KLRD1: variants seen among roughly 807,000 people sequenced by gnomAD.
KLRD1 encodes killer cell lectin like receptor D1, also known as natural killer cells antigen CD94.
KLRD1 carries 21 observed loss-of-function variants against 22.6 expected under a neutral mutation model. The ratio of observed to expected loss-of-function variants is 0.93; its 90% CI spans 0.66 to 1.34. The LOEUF is 1.34. KLRD1 is among the 40% of genes most tolerant of loss of function. The pLI, the probability that KLRD1 is intolerant of heterozygous loss-of-function variation, is 0.00. For synonymous variants in KLRD1, 59 were observed against 71.1 expected, an observed-to-expected ratio of 0.83 and a Z score of 0.85; for missense variants, 183 against 208.6, an observed-to-expected ratio of 0.88 and a Z score of 0.76.
intron 1 of KLRD1, among the ~76,000 whole-genome samples, chr12:10,253,640 G>T (rs980023937): frequency 1.3e-5 from 2 of 152,016 alleles, no homozygotes; most frequent in African/African-American, 2.4e-5. Flanking sequence ...TTATCATTTA[G>T]CTCCCACTTA....
rs1555098504 is a variant in KLRD1 at position 10,239,484 on chromosome 12, T to TCCTTC, written c.-101+13252_-101+13253insCTTCC. ...TTCCTTCCTTCCTTCCTTCCTTCCT[T>TCCTTC]CTTCCTTCCTTCCTTCCTTCCCTCC... On this transcript the variant is annotated intron_variant, in intron 1 of 5. Transcript: ENST00000544747. 8.1e-4 allele frequency among the ~76,000 whole-genome samples: 103 copies of TCCTTC among 127,576 alleles called. 3 individuals are homozygous for TCCTTC. The highest frequency in any genetic ancestry group is 3.1e-3 in the African/African-American group (95 of 30,646). 83.7% of individuals were successfully genotyped at this position (127,576 alleles called of 152,430 possible).
Position 10,326,968 on chromosome 12 carries a change from G to A in KLRD1, c.*12175G>A, listed in dbSNP as rs1055412147. 6.6e-6 allele frequency: 1 copy of A among 152,128 alleles called. No homozygotes were observed. Among genetic ancestry groups the A allele is most frequent in the Non-Finnish European group, 1.5e-5 (1 of 68,026 alleles). 9.4% of individuals were successfully genotyped at this position (152,128 alleles called of 1,614,324 possible). On this transcript the variant is annotated 3_prime_UTR_variant, in exon 6 of 6. Transcript: ENST00000336164. ...TTGCCTGTGCTTTTGGTGTCAGATT[G>A]ATGATATCATTGCCAAAACCAATGT...
chr12:10,239,531 CTTTCTTTCTTTCTTTCTTTCTTTCTT>C (rs1372824480), intron 1 of KLRD1, among the ~76,000 whole-genome samples: 1,613 of 74,398 alleles, frequency 0.022, 77 homozygotes, highest in African/African-American at 0.065. Flanking sequence ...TTCTTTCTTT[CTTTCTTTCTTTCTTTCTTTCTTTCTT>C]TCTTTCTTTC....
At chr12:10,241,525 T>C (rs1419666510) in intron 1 of KLRD1, among the ~76,000 whole-genome samples, 1 of 152,198 alleles carries the variant, frequency 6.6e-6, no homozygotes, top group Non-Finnish European at 1.5e-5. Context: ...AGAAGGCTTC[T>C]AGGTCCTTGA....
chr12:10,253,041 C>T lies in KLRD1; in HGVS notation c.-101+26808C>T, dbSNP rs369344223. Among the ~76,000 whole-genome samples, 29 of 151,236 alleles carry T rather than the reference C, an allele frequency of 1.9e-4. 1 individual carries two copies. In the East Asian group the frequency reaches 4.3e-3, roughly 22 times the overall value. On this transcript the variant is annotated intron_variant, in intron 1 of 5. Transcript: ENST00000544747. ...TGCATAAAACATTTCTTATCTAATG[C>T]TTTTAATATTTTTTTATCACTAGTT...
intron 1 of KLRD1, among the ~76,000 whole-genome samples, chr12:10,283,156 C>T (rs1949662319): frequency 6.6e-6 from 1 of 152,112 alleles, no homozygotes; most frequent in Non-Finnish European, 1.5e-5. Flanking sequence ...GGTACTATTC[C>T]CAGAGCTAGA....
At chr12:10,261,696 T>A (rs534185889) in intron 1 of KLRD1, among the ~76,000 whole-genome samples, 16 of 152,292 alleles carry the variant, frequency 1.1e-4, no homozygotes, top group African/African-American at 3.8e-4. Context: ...AGAGTTAGAC[T>A]CTTTTAGCTT....
At chr12:10,308,379 G>A in intron 1 of KLRD1, 1 of 390,386 alleles carries the variant, frequency 2.6e-6, no homozygotes, top group Admixed American at 4.0e-5. Context: ...GAGCAACAGT[G>A]TTCTAGTATA....
At chr12:10,244,513 G>A (rs1409028789) in intron 1 of KLRD1, among the ~76,000 whole-genome samples, 1 of 152,168 alleles carries the variant, frequency 6.6e-6, no homozygotes. Context: ...CTGGCACGGT[G>A]GCTCATGCCT....
chr12:10,321,103 A>C lies in KLRD1; in HGVS notation c.*6310A>C, dbSNP rs902784695. 6.6e-6 allele frequency: 1 copy of C among 152,208 alleles called. No individual in the cohort carries two copies. The highest frequency in any genetic ancestry group is 2.4e-5 in the African/African-American group (1 of 41,456). The allele number at this position is 152,208 out of a possible 1,614,324, so 9.4% of individuals were successfully genotyped here. A position where few individuals can be genotyped will look rare whatever the true frequency, so the allele number is the denominator to read the frequency against. On this transcript the variant is annotated 3_prime_UTR_variant, in exon 6 of 6. Transcript: ENST00000336164. ...TATGAAGAGTGATTTTATAAGCAGA[A>C]ATAGGACTGAGTCCTAATCAAATGA...
At chr12:10,312,578 C>T (rs1254131919) in intron 4 of KLRD1, among the ~76,000 whole-genome samples, 9 of 147,724 alleles carry the variant, frequency 6.1e-5, no homozygotes, top group Non-Finnish European at 1.0e-4. Context: ...CGCGGTTTCA[C>T]CGTGTTAGCC....
In KLRD1 at chr12:10,323,954, T is replaced by C. The variant is rs955567233; in HGVS notation, c.*9161T>C. ...TCAGCTCACTGCAACCTTCACCACC[T>C]GGGTTCAAGTTATTCTCATGCCTCA... On this transcript the variant is annotated 3_prime_UTR_variant, in exon 6 of 6. Coordinates refer to ENST00000336164, the MANE Select transcript of KLRD1 (RefSeq NM_002262.5). 1 of 139,558 alleles carries C rather than the reference T, an allele frequency of 7.2e-6. No homozygotes were observed. Among genetic ancestry groups the C allele is most frequent in the African/African-American group, 2.6e-5 (1 of 39,030 alleles). The allele number at this position is 139,558 out of a possible 1,614,324, so 8.6% of individuals were successfully genotyped here. A position where few individuals can be genotyped will look rare whatever the true frequency, so the allele number is the denominator to read the frequency against.
intron 1 of KLRD1, among the ~76,000 whole-genome samples, chr12:10,255,751 A>G (rs1038235295): frequency 2.0e-5 from 3 of 152,174 alleles, no homozygotes; most frequent in East Asian, 3.8e-4. Context: ...GTGGTCTAAC[A>G]TATAGTCTGT....
chr12:10,312,248 C>T (rs1950094819), intron 4 of KLRD1, among the ~76,000 whole-genome samples: 1 of 151,864 alleles, frequency 6.6e-6, no homozygotes, highest in Non-Finnish European at 1.5e-5. Flanking sequence ...GACAGGGTTT[C>T]ACCGTATTGG....
intron 1 of KLRD1, among the ~76,000 whole-genome samples, chr12:10,246,659 A>G (rs1322330721): frequency 2.0e-5 from 3 of 152,296 alleles, no homozygotes; most frequent in South Asian, 2.1e-4. Context: ...ATTATATACC[A>G]TAAAACTATT....
upstream of KLRD1, among the ~76,000 whole-genome samples, chr12:10,305,936 G>A (rs1949916737): frequency 6.6e-6 from 1 of 152,124 alleles, no homozygotes; most frequent in Admixed American, 6.5e-5. Context: ...GCCGAGGCGG[G>A]CGGATCACGA....
At chr12:10,240,281 G>A (rs7953971) in intron 1 of KLRD1, among the ~76,000 whole-genome samples, 95,183 of 151,816 alleles carry the variant, frequency 0.63, 30,617 homozygotes, top group Admixed American at 0.76. Flanking sequence ...GGCTGGTCTT[G>A]AGCTCCTGAG....
intron 1 of KLRD1, among the ~76,000 whole-genome samples, chr12:10,295,519 A>G (rs916100868): frequency 6.6e-6 from 1 of 152,080 alleles, no homozygotes; most frequent in Non-Finnish European, 1.5e-5. Flanking sequence ...TTGGAAAAAA[A>G]TAAAAAAACA....
At chr12:10,285,368 T>C (rs1373222361) in intron 1 of KLRD1, among the ~76,000 whole-genome samples, 1 of 152,214 alleles carries the variant, frequency 6.6e-6, no homozygotes, top group Non-Finnish European at 1.5e-5. Flanking sequence ...GAAATTATTT[T>C]TGCCATATGC....
Sources: allele counts gnomAD v4.1 joint callset (sites outside exome capture counted in the v4.1 genomes callset), GRCh38; gene constraint gnomAD v4.1.1; transcripts MANE v1.5; gene names NCBI Gene and HGNC (gene_info 2026-07-23, HGNC 2026-07-21).